SULT1A4: variants seen among roughly 807,000 people sequenced by gnomAD.
SULT1A4 encodes sulfotransferase 1A4.
For missense variants in SULT1A4, 4 were observed against 40.6 expected (o/e 0.10, Z 2.45); for synonymous variants, 3 against 19.4 (o/e 0.15, Z 2.22).
At position 29,461,425 on chromosome 16, in the gene SULT1A4, T is replaced by TG; in HGVS notation, c.40_41insG (p.Tyr14Ter). The TG allele has an allele frequency of 9.3e-7, 1 of 1,073,146 alleles. No homozygotes were observed. Among genetic ancestry groups the TG allele is most frequent in the African/African-American group, 2.3e-5 (1 of 43,954 alleles). 66.5% of individuals were successfully genotyped at this position (1,073,146 alleles called of 1,614,324 possible). Reference protein sequence around the residue: ...IQDTSRPPLEYVKGVPLIKYF... With the variant: ...IQDTSRPPLE ...GGACACCTCCCGCCCGCCACTGGAG[T>TG]ACGTGAAGGGGGTCCCGCTCATCAA... Residue 14 changes from tyrosine to a stop codon, truncating the protein, a stop_gained and frameshift_variant, in exon 2 of 8, where the codon TAC (tyrosine) becomes TGAC (stop). Transcript: ENST00000360423. LOFTEE classifies it high-confidence loss of function.
chr16:29,461,993 A>G (rs1964874104), intron 4 of SULT1A4, 43 bp downstream of exon 4: 1 of 133,812 alleles, frequency 7.5e-6, no homozygotes, highest in Non-Finnish European at 1.4e-5. Flanking sequence ...TCCCAGTTTG[A>G]GACTGAGGAG....
Position 29,461,881 on chromosome 16 carries a change from C to T in SULT1A4, c.303C>T (p.Pro101=). 1 of 278,256 alleles carries T rather than the reference C, an allele frequency of 3.6e-6. No homozygotes were observed. 17.2% of individuals were successfully genotyped at this position (278,256 alleles called of 1,614,324 possible). A position where few individuals can be genotyped will look rare whatever the true frequency, so the allele number is the denominator to read the frequency against. ...TGGAGACTCTGAAAGACACACCGCCCCCACGGCTCATCAAGTCACACCTGC... is the reference window on the plus strand; with the variant it reads ...TGGAGACTCTGAAAGACACACCGCCTCCACGGCTCATCAAGTCACACCTGC... ...SGLETLKDTP[P]PRLIKSHLPL... is the part of the protein sequence containing the mutation. Residue 101 remains proline, a synonymous_variant, in exon 4 of 8, where the codon CCC becomes CCT. Coordinates refer to ENST00000360423, the MANE Select transcript of SULT1A4 (RefSeq NM_001017390.3).
intron 4 of SULT1A4, chr16:29,462,544 G>T (rs1189126543): frequency 8.9e-6 from 1 of 112,878 alleles, no homozygotes; most frequent in Non-Finnish European, 1.8e-5. Flanking sequence ...TAGAGACGGG[G>T]TTTCACCATG....
chr16:29,461,134 G>GA (rs1371978760), intron 1 of SULT1A4, among the ~76,000 whole-genome samples: 21 of 12,228 alleles, frequency 1.7e-3, no homozygotes, highest in African/African-American at 2.7e-3. Context: ...CTCTACTAAA[G>GA]AAAAAAAAAA....
chr16:29,462,002 A>C (rs1964874261), intron 4 of SULT1A4, 52 bp downstream of exon 4: 1 of 119,428 alleles, frequency 8.4e-6, no homozygotes, highest in South Asian at 6.1e-5. Flanking sequence ...GAGACTGAGG[A>C]GGGAGGATCC....
chr16:29,461,634 C>A lies in SULT1A4; in HGVS notation c.149-4C>A, dbSNP rs1255728685. 1.6e-3 allele frequency: 447 copies of A among 281,894 alleles called. No homozygotes were observed. The highest frequency in any genetic ancestry group is 1.9e-3 in the Non-Finnish European group (302 of 157,832). The allele number at this position is 281,894 out of a possible 1,614,324, so 17.5% of individuals were successfully genotyped here. A position where few individuals can be genotyped will look rare whatever the true frequency, so the allele number is the denominator to read the frequency against. On this transcript the variant is annotated splice_polypyrimidine_tract_variant and splice_region_variant and intron_variant, in intron 2 of 7. Transcript: ENST00000360423. ...GCTCACCTCCTATCTCCCTCCCTCTCCAGGCACCACCTGGGTGAGCCAGAT... is the reference window on the plus strand; with the variant it reads ...GCTCACCTCCTATCTCCCTCCCTCTACAGGCACCACCTGGGTGAGCCAGAT...
At chr16:29,462,389 C>T (rs1249814585) in intron 4 of SULT1A4, among the ~76,000 whole-genome samples, 1 of 147,340 alleles carries the variant, frequency 6.8e-6, no homozygotes, top group Admixed American at 6.9e-5. Context: ...TGCTCTGTCA[C>T]CCTGGCTGGA....
At chr16:29,462,008 G>A (rs1415241893) in intron 4 of SULT1A4, 58 bp downstream of exon 4, 6 of 102,314 alleles carry the variant, frequency 5.9e-5, no homozygotes, top group Non-Finnish European at 9.0e-5. Flanking sequence ...GAGGAGGGAG[G>A]ATCCCTTGAA....
chr16:29,462,162 A>C (rs1964876628), intron 4 of SULT1A4, among the ~76,000 whole-genome samples: 1 of 124,740 alleles, frequency 8.0e-6, no homozygotes, highest in Non-Finnish European at 1.6e-5. Flanking sequence ...GTTTATGCAA[A>C]TAGGAAGCTG....
intron 4 of SULT1A4, among the ~76,000 whole-genome samples, chr16:29,462,485 A>AT (rs1964882252): frequency 8.1e-6 from 1 of 123,076 alleles, no homozygotes; most frequent in Non-Finnish European, 1.7e-5. Context: ...AGTAGCTGGG[A>AT]TTACAGGCGT....
chr16:29,462,373 G>C (rs1964880627), intron 4 of SULT1A4, among the ~76,000 whole-genome samples: 1 of 148,496 alleles, frequency 6.7e-6, no homozygotes, highest in Non-Finnish European at 1.5e-5. Flanking sequence ...TTTTGAGACA[G>C]AGTCTTGCTC....
rs1259664605 is a variant in SULT1A4 at position 29,464,467 on chromosome 16, G to A, written c.780G>A (p.Met260Ile). The change falls in exon 8 of 8, where the codon ATG becomes ATA. Residue 260 changes from methionine to isoleucine, a missense_variant. By Grantham distance (10) the Met-to-Ile change is conservative. Coordinates refer to ENST00000360423, the MANE Select transcript of SULT1A4 (RefSeq NM_001017390.3). ...HSISPFMRKG[M>I]AGDWKTTFTV... is the part of the protein sequence containing the mutation. Reference sequence around the variant, plus strand: ...CTCCCTGCCTTCCTCCCCCAGGCATGGCTGGGGACTGGAAGACCACCTTCA... The same window carrying A: ...CTCCCTGCCTTCCTCCCCCAGGCATAGCTGGGGACTGGAAGACCACCTTCA... 1.2e-4 allele frequency: 1 copy of A among 8,504 alleles called. No homozygotes were observed. The highest frequency in any genetic ancestry group is 1.6e-4 in the Non-Finnish European group (1 of 6,192). 0.5% of individuals were successfully genotyped at this position (8,504 alleles called of 1,614,324 possible).
intron 4 of SULT1A4, among the ~76,000 whole-genome samples, 182 bp downstream of exon 4, chr16:29,462,132 G>A (rs1283571052): frequency 1.7e-5 from 2 of 118,624 alleles, no homozygotes; most frequent in Non-Finnish European, 3.3e-5. Context: ...AGTTACTTAG[G>A]AGGCTCAGCG....
At chr16:29,461,246 G>C (rs1475674357) in intron 1 of SULT1A4, 136 bp from the exon 2 acceptor site, 2 of 522,440 alleles carry the variant, frequency 3.8e-6, no homozygotes, top group Non-Finnish European at 6.8e-6. Flanking sequence ...AGTGAGCTGA[G>C]ATTGTGCCAC....
chr16:29,462,402 G>A (rs1282048560), intron 4 of SULT1A4, among the ~76,000 whole-genome samples: 4 of 145,948 alleles, frequency 2.7e-5, no homozygotes, highest in Non-Finnish European at 6.0e-5. Flanking sequence ...TGGCTGGAGT[G>A]CAGTGGCATG....
chr16:29,461,644 C>T lies in SULT1A4; in HGVS notation c.155C>T (p.Thr52Ile). The change falls in exon 3 of 8, where the codon ACC becomes ATC. Residue 52 changes from threonine to isoleucine, a missense_variant. Transcript: ENST00000360423. ...LINTYPKSGT[T>I]WVSQILDMIY... is the part of the protein sequence containing the mutation. ...TATCTCCCTCCCTCTCCAGGCACCACCTGGGTGAGCCAGATACTGGACATG... is the reference window on the plus strand; with the variant it reads ...TATCTCCCTCCCTCTCCAGGCACCATCTGGGTGAGCCAGATACTGGACATG... 3.6e-6 allele frequency: 1 copy of T among 274,976 alleles called. No individual in the cohort carries two copies. The highest frequency in any genetic ancestry group is 2.4e-5 in the South Asian group (1 of 40,952). The allele number at this position is 274,976 out of a possible 1,614,324, so 17.0% of individuals were successfully genotyped here. A position where few individuals can be genotyped will look rare whatever the true frequency, so the allele number is the denominator to read the frequency against.
Position 29,461,438 on chromosome 16 carries a change from T to TC in SULT1A4, c.56dup (p.Leu20AlafsTer20). 2.1e-6 allele frequency: 2 copies of TC among 974,254 alleles called. No individual in the cohort carries two copies. The highest frequency in any genetic ancestry group is 2.7e-6 in the Non-Finnish European group (2 of 742,778). 60.4% of individuals were successfully genotyped at this position (974,254 alleles called of 1,614,324 possible). A position where few individuals can be genotyped will look rare whatever the true frequency, so the allele number is the denominator to read the frequency against. The stretch of plus-strand genomic sequence containing the variant: ...CCGCCACTGGAGTACGTGAAGGGGG[T>TC]CCCGCTCATCAAGTACTTTGCAGAG... On this transcript the variant is annotated frameshift_variant, in exon 2 of 8. Transcript: ENST00000360423. LOFTEE classifies it high-confidence loss of function.
intron 4 of SULT1A4, among the ~76,000 whole-genome samples, chr16:29,462,375 G>A (rs1964880677): frequency 6.7e-6 from 1 of 148,252 alleles, no homozygotes; most frequent in Non-Finnish European, 1.5e-5. Context: ...TTGAGACAGA[G>A]TCTTGCTCTG....
chr16:29,461,632 C>G lies in SULT1A4; in HGVS notation c.149-6C>G. ...CTGCTCACCTCCTATCTCCCTCCCT[C>G]TCCAGGCACCACCTGGGTGAGCCAG... is the stretch of plus-strand genomic sequence containing the variant. On this transcript the variant is annotated splice_polypyrimidine_tract_variant and splice_region_variant and intron_variant, in intron 2 of 7. Transcript: ENST00000360423. 1 of 284,504 alleles carries G rather than the reference C, an allele frequency of 3.5e-6. No homozygotes were observed. Among genetic ancestry groups the G allele is most frequent in the Non-Finnish European group, 6.3e-6 (1 of 159,350 alleles). The allele number at this position is 284,504 out of a possible 1,614,324, so 17.6% of individuals were successfully genotyped here. A position where few individuals can be genotyped will look rare whatever the true frequency, so the allele number is the denominator to read the frequency against.
Sources: allele counts gnomAD v4.1 joint callset (sites outside exome capture counted in the v4.1 genomes callset), GRCh38; gene constraint gnomAD v4.1.1; transcripts MANE v1.5; gene names NCBI Gene and HGNC (gene_info 2026-07-23, HGNC 2026-07-21).